Variants in HYCC1 observed in about 807,000 individuals in gnomAD.
HYCC1 encodes the protein hyccin.
At chr7:22,923,454 G>A in the HYCC1 span, among the ~76,000 whole-genome samples, 3 of 151,968 alleles carry the variant, frequency 2.0e-5, no homozygotes, top group Non-Finnish European at 4.4e-5. Context: ...TAAAAAAGAA[G>A]AAATATCTCA....
the HYCC1 span, among the ~76,000 whole-genome samples, chr7:22,950,630 T>G: frequency 1.3e-5 from 2 of 151,982 alleles, no homozygotes; most frequent in African/African-American, 4.8e-5. Context: ...CAAAGCCTCT[T>G]TGTTTTGGAA....
At chr7:22,958,233 G>C in the HYCC1 span, among the ~76,000 whole-genome samples, 2 of 152,004 alleles carry the variant, frequency 1.3e-5, no homozygotes, top group Admixed American at 1.3e-4. Context: ...CTCTAGAAGG[G>C]AAAGCCAAGA....
the HYCC1 span, among the ~76,000 whole-genome samples, chr7:22,982,868 C>G: frequency 6.6e-6 from 1 of 152,162 alleles, no homozygotes; most frequent in Non-Finnish European, 1.5e-5. Context: ...CCTATCACAG[C>G]CTTACCCTCT....
chr7:23,004,332 A>G, the HYCC1 span, among the ~76,000 whole-genome samples: 2 of 152,260 alleles, frequency 1.3e-5, no homozygotes, highest in African/African-American at 4.8e-5. Flanking sequence ...ACATCTGCTT[A>G]GACCCTTTCA....
At chr7:22,928,685 G>C in the HYCC1 span, among the ~76,000 whole-genome samples, 16 of 152,272 alleles carry the variant, frequency 1.1e-4, no homozygotes, top group Non-Finnish European at 1.9e-4. Flanking sequence ...CGAAATAAAA[G>C]AGGATACAAA....
the HYCC1 span, among the ~76,000 whole-genome samples, chr7:23,001,107 T>C: frequency 6.6e-5 from 10 of 152,268 alleles, no homozygotes; most frequent in African/African-American, 2.4e-4. Flanking sequence ...TGTGACCAAA[T>C]GTGTCATACA....
the HYCC1 span, among the ~76,000 whole-genome samples, chr7:22,915,522 C>T: frequency 1.3e-5 from 2 of 152,320 alleles, no homozygotes; most frequent in South Asian, 4.1e-4. Context: ...CTCGCAGAAT[C>T]CCTGGAACTC....
chr7:22,931,315 T>A, the HYCC1 span, among the ~76,000 whole-genome samples: 49 of 151,580 alleles, frequency 3.2e-4, 1 homozygote, highest in Admixed American at 3.2e-3. Flanking sequence ...TCTACACCCT[T>A]CAAAGGGAGC....
chr7:22,946,992 C>T, the HYCC1 span: 1 of 1,549,540 alleles, frequency 6.5e-7, no homozygotes, highest in African/African-American at 1.4e-5. Flanking sequence ...AAACTGCACT[C>T]TGCCAGGTGA....
chr7:22,941,063 G>A, the HYCC1 span: 1 of 152,014 alleles, frequency 6.6e-6, no homozygotes, highest in Admixed American at 6.6e-5. Context: ...AATACGAGTG[G>A]ACCTGTCATA....
chr7:22,984,779 C>G, the HYCC1 span, among the ~76,000 whole-genome samples: 2 of 152,058 alleles, frequency 1.3e-5, no homozygotes, highest in Non-Finnish European at 2.9e-5. Flanking sequence ...TTCTACTTAA[C>G]CAATTGAAGG....
chr7:22,985,969 GAATA>G, the HYCC1 span, among the ~76,000 whole-genome samples: 12 of 149,372 alleles, frequency 8.0e-5, no homozygotes, highest in South Asian at 4.2e-4. Flanking sequence ...TAAAATTGAA[GAATA>G]AATGAACCAA....
At chr7:23,012,499 G>C in the HYCC1 span, among the ~76,000 whole-genome samples, 1 of 152,114 alleles carries the variant, frequency 6.6e-6, no homozygotes, top group African/African-American at 2.4e-5. Flanking sequence ...TCCAGAATTT[G>C]TTTCCTAAAT....
chr7:22,945,562 G>A, the HYCC1 span: 3 of 1,529,374 alleles, frequency 2.0e-6, no homozygotes. Context: ...AGGTTCACTA[G>A]GTTATGGGAG....
chr7:22,902,139 A>G, the HYCC1 span, among the ~76,000 whole-genome samples: 1 of 152,120 alleles, frequency 6.6e-6, no homozygotes. Context: ...TATCTAGGAA[A>G]CCTCAAATAT....
the HYCC1 span, among the ~76,000 whole-genome samples, chr7:22,958,715 C>T: frequency 1.3e-5 from 2 of 152,020 alleles, no homozygotes; most frequent in African/African-American, 4.8e-5. Context: ...TTTAAATGTA[C>T]GCCTGGACAT....
chr7:22,906,143 C>T, the HYCC1 span, among the ~76,000 whole-genome samples: 1 of 152,078 alleles, frequency 6.6e-6, no homozygotes, highest in Non-Finnish European at 1.5e-5. Context: ...TCCAGAACAG[C>T]ATTGATACTT....
chr7:22,926,274 C>G, the HYCC1 span, among the ~76,000 whole-genome samples: 1 of 152,100 alleles, frequency 6.6e-6, no homozygotes, highest in Non-Finnish European at 1.5e-5. Context: ...ACTGCATCAA[C>G]TAACGAGCAA....
chr7:22,964,619 T>G, the HYCC1 span: 1 of 729,460 alleles, frequency 1.4e-6, no homozygotes, highest in African/African-American at 1.8e-5. Context: ...ATGTACTAGG[T>G]ACACTTTCAT....
Sources: allele counts gnomAD v4.1 joint callset (sites outside exome capture counted in the v4.1 genomes callset), GRCh38; gene constraint gnomAD v4.1.1; transcripts MANE v1.5; gene names NCBI Gene and HGNC (gene_info 2026-07-23, HGNC 2026-07-21).